The following SPATA22 variants were observed in gnomAD, a reference collection of about 807,000 sequenced individuals.
The protein encoded by SPATA22 is spermatogenesis associated 22.
SPATA22 carries 29 observed loss-of-function variants against 47.8 expected under a neutral mutation model. The observed-to-expected ratio is 0.61, with a 90% CI of 0.45 to 0.83. The LOEUF is 0.83. Ranked by LOEUF, SPATA22 falls within the 40% of genes least tolerant of loss-of-function variation. SPATA22 has a pLI of 0.00. For missense variants in SPATA22, 410 were observed against 421.7 expected (o/e 0.97, Z 0.24); for synonymous variants, 133 against 140.9 (o/e 0.94, Z 0.40).
At chr17:3,456,688 A>T (rs2073006281) in intron 5 of SPATA22, among the ~76,000 whole-genome samples, 1 of 152,078 alleles carries the variant, frequency 6.6e-6, no homozygotes, top group Non-Finnish European at 1.5e-5. Context: ...TTCCTCCCTA[A>T]CTCATTTTAT....
At chr17:3,471,943 G>C (rs1391585192), upstream of SPATA22, 5 of 820,812 alleles carry the variant, frequency 6.1e-6, no homozygotes. Flanking sequence ...CTTCCTTGGC[G>C]TTCTCACACT....
chr17:3,458,855 C>CAAAAAAAAAAAAAAAAAAAAAAAAAAAAA (rs545223532), intron 5 of SPATA22, among the ~76,000 whole-genome samples: 7 of 38,344 alleles, frequency 1.8e-4, no homozygotes, highest in Admixed American at 3.8e-4. Context: ...CGAAACTTCA[C>CAAAAAAAAAAAAAAAAAAAAAAAAAAAAA]AAAAAAAAAA....
chr17:3,471,622 C>T lies in SPATA22; in HGVS notation c.-74+60G>A, dbSNP rs141856026. 4.4e-5 allele frequency: 43 copies of T among 985,502 alleles called. No individual in the cohort carries two copies. The African/African-American group carries it at 7.1e-4, about 16-fold the overall frequency. The allele number at this position is 985,502 out of a possible 1,614,324, so 61.0% of individuals were successfully genotyped here. On this transcript the variant is annotated intron_variant, in intron 1 of 8. Coordinates refer to ENST00000572969, the MANE Select transcript of SPATA22 (RefSeq NM_001170698.2). ...AGAGGCTCCAGTCCGAGTTGAGACG[C>T]TCTTCCAAAGGCCTCTCCTGACCCG...
At chr17:3,484,369 G>A (rs2073684155) in intron 1 of SPATA22, among the ~76,000 whole-genome samples, 1 of 152,186 alleles carries the variant, frequency 6.6e-6, no homozygotes, top group African/African-American at 2.4e-5. Context: ...AAACAGACAG[G>A]TAACCAGGTA....
At chr17:3,497,366 A>G (rs1257239280) in intron 1 of SPATA22, among the ~76,000 whole-genome samples, 1 of 152,206 alleles carries the variant, frequency 6.6e-6, no homozygotes, top group Non-Finnish European at 1.5e-5. Flanking sequence ...CACAGAAAAC[A>G]GTGAACTATA....
At chr17:3,466,567 T>A (rs1432375467) in intron 3 of SPATA22, among the ~76,000 whole-genome samples, 1 of 152,130 alleles carries the variant, frequency 6.6e-6, no homozygotes, top group Non-Finnish European at 1.5e-5. Context: ...TTATGCAAAC[T>A]CACAGGAAGG....
At position 3,483,814 on chromosome 17, in the gene SPATA22, C is replaced by T. The variant is rs541234348; in HGVS notation, c.-73-14416G>A. Among the ~76,000 whole-genome samples the T allele has an allele frequency of 2.6e-5, 4 of 152,182 alleles. No individual in the cohort carries two copies. The East Asian group carries it at 7.7e-4, about 29-fold the overall frequency. On this transcript the variant is annotated intron_variant, in intron 1 of 8. Coordinates refer to the SPATA22 transcript ENST00000541913. ...AGTAGCTGGGATTACAGGCATGTGCCACCCTGTAATTTTTGTATTTTTAGT... is the reference window on the plus strand; with the variant it reads ...AGTAGCTGGGATTACAGGCATGTGCTACCCTGTAATTTTTGTATTTTTAGT...
intron 1 of SPATA22, among the ~76,000 whole-genome samples, chr17:3,510,210 G>C (rs2074094247): frequency 6.6e-6 from 1 of 152,184 alleles, no homozygotes; most frequent in Non-Finnish European, 1.5e-5. Flanking sequence ...TTATGTGGCT[G>C]TGAATCCCTG....
At chr17:3,478,576 C>A (rs1253864085) in intron 1 of SPATA22, among the ~76,000 whole-genome samples, 1 of 152,148 alleles carries the variant, frequency 6.6e-6, no homozygotes, top group African/African-American at 2.4e-5. Context: ...ATATTAACTT[C>A]CCAAATAGGT....
At chr17:3,465,007 G>A (rs1384354548) in intron 3 of SPATA22, among the ~76,000 whole-genome samples, 6 of 131,008 alleles carry the variant, frequency 4.6e-5, no homozygotes, top group East Asian at 4.2e-4. Context: ...CGCTCCGTCC[G>A]GGAGGGAGGT....
rs10681973 is a variant in SPATA22, at chr17:3,465,790, T to TAAAAAAAA, written c.172+1635_172+1636insTTTTTTTT. Among the ~76,000 whole-genome samples, 221 of 147,592 alleles carry TAAAAAAAA rather than the reference T, an allele frequency of 1.5e-3. 1 individual carries two copies. Among genetic ancestry groups the TAAAAAAAA allele is most frequent in the Non-Finnish European group, 2.3e-3 (154 of 66,740 alleles). Reference sequence around the variant, plus strand: ...AGAATGATCAATAAAAATAAAAATTTAAAAAACAAAAAAAAACAACACTGA... The same window carrying TAAAAAAAA: ...AGAATGATCAATAAAAATAAAAATTTAAAAAAAAAAAAAACAAAAAAAAACAACACTGA... On this transcript the variant is annotated intron_variant, in intron 3 of 8. Transcript: ENST00000572969.
At chr17:3,500,986 T>C (rs1039705310) in intron 1 of SPATA22, 2 of 152,102 alleles carry the variant, frequency 1.3e-5, no homozygotes, top group Non-Finnish European at 2.9e-5. Flanking sequence ...CTACTGCTGA[T>C]TGACAATACA....
chr17:3,505,430 GGAAGGGCTTCTTT>G (rs1412376694), intron 1 of SPATA22, among the ~76,000 whole-genome samples: 2 of 152,240 alleles, frequency 1.3e-5, no homozygotes, highest in East Asian at 3.8e-4. Flanking sequence ...GAAGCTATCT[GGAAGGGCTTCTTT>G]GGAAGAGCGG....
In SPATA22 at chr17:3,449,287, T is replaced by C; in HGVS notation, c.330-138A>G. ...TAACTAACTACTGAGAAATTCCAAA[T>C]ACATCACAACAACCCTACAATGTTG... On this transcript the variant is annotated intron_variant, in intron 5 of 8. Transcript: ENST00000572969. 6.4e-6 allele frequency: 4 copies of C among 621,112 alleles called. No individual in the cohort carries two copies. In the South Asian group the frequency reaches 8.8e-5, roughly 14 times the overall value. 38.5% of individuals were successfully genotyped at this position (621,112 alleles called of 1,614,324 possible). A position where few individuals can be genotyped will look rare whatever the true frequency, so the allele number is the denominator to read the frequency against.
At position 3,481,727 on chromosome 17, in the gene SPATA22, A is replaced by G. The variant is rs148451498; in HGVS notation, c.-73-12329T>C. On this transcript the variant is annotated intron_variant, in intron 1 of 8. Coordinates refer to the SPATA22 transcript ENST00000541913. Reference sequence around the variant, plus strand: ...TTTTGACCTTCACAACACCACCTCTAACATGGGGTGCACTCTTATTCTTGA... The same window carrying G: ...TTTTGACCTTCACAACACCACCTCTGACATGGGGTGCACTCTTATTCTTGA... The G allele has an allele frequency of 1.3e-5, 21 of 1,613,682 alleles. No individual in the cohort carries two copies. The highest frequency in any genetic ancestry group is 1.6e-5 in the Non-Finnish European group (19 of 1,179,824).
chr17:3,493,471 GA>G (rs1258149676), intron 1 of SPATA22, among the ~76,000 whole-genome samples: 2 of 136,580 alleles, frequency 1.5e-5, no homozygotes, highest in Non-Finnish European at 3.0e-5. Flanking sequence ...TGAGGCAGGA[GA>G]ATCGCTTGAA....
chr17:3,493,758 G>A (rs2073864554), intron 1 of SPATA22, among the ~76,000 whole-genome samples: 1 of 151,968 alleles, frequency 6.6e-6, no homozygotes, highest in East Asian at 1.9e-4. Flanking sequence ...GTTCAAGGCC[G>A]CATAGCCAGG....
At chr17:3,499,857 G>A (rs1293765198) in intron 1 of SPATA22, 1 of 152,218 alleles carries the variant, frequency 6.6e-6, no homozygotes, top group Non-Finnish European at 1.5e-5. Flanking sequence ...TAGAAATTAA[G>A]CTTAGTAAGG....
chr17:3,506,437 C>T (rs1323441696), intron 1 of SPATA22, among the ~76,000 whole-genome samples: 3 of 152,120 alleles, frequency 2.0e-5, no homozygotes, highest in Admixed American at 6.5e-5. Context: ...AACCAAAAAA[C>T]TGAGGTCTAT....
Sources: allele counts gnomAD v4.1 joint callset (sites outside exome capture counted in the v4.1 genomes callset), GRCh38; gene constraint gnomAD v4.1.1; transcripts MANE v1.5; gene names NCBI Gene and HGNC (gene_info 2026-07-23, HGNC 2026-07-21).